The following EXOSC10 variants were observed in gnomAD, a reference collection of about 807,000 sequenced individuals.
EXOSC10 encodes the protein exosome component 10, also known as exosome complex component 10.
In EXOSC10, 94 loss-of-function variants were observed where a neutral mutation model predicts 126.6. The ratio of observed to expected loss-of-function variants is 0.74; its 90% confidence interval spans 0.63 to 0.88. The LOEUF (loss-of-function observed/expected upper bound fraction) is 0.88, where lower values mean the gene tolerates loss of function less well. Among genes scored for constraint, EXOSC10 ranks in the 40% least tolerant of loss-of-function variants. EXOSC10 has a pLI of 0.00. For missense variants in EXOSC10, 1,041 were observed against 1,100.5 expected, an observed-to-expected ratio of 0.95 and a Z score of 0.77; for synonymous variants, 395 against 400.8, an observed-to-expected ratio of 0.99 and a Z score of 0.17.
rs1639214870 is a variant in EXOSC10 at position 11,068,046 on chromosome 1, T to G, written c.2589A>C (p.Gly863=). 6.2e-7 allele frequency: 1 copy of G among 1,614,136 alleles called. No individual in the cohort carries two copies. The highest frequency in any genetic ancestry group is 8.5e-7 in the Non-Finnish European group (1 of 1,180,020). ...IAAKKIKQSV[G]NKSMSFPTGK... ...CAGTTGGAAAGGACATGCTTTTGTT[T>G]CCCACCGACTGTTTAATTTTTTTGG... is the stretch of plus-strand genomic sequence containing the variant. The change falls in exon 24 of 25, where the codon GGA becomes GGC. Residue 863 remains glycine, a synonymous_variant. Coordinates refer to ENST00000376936, the MANE Select transcript of EXOSC10 (RefSeq NM_001001998.3).
At position 11,070,953 on chromosome 1, in the gene EXOSC10, C is replaced by A; in HGVS notation, c.2263G>T (p.Glu755Ter). Residue 755 changes from glutamate (E) to a stop codon, truncating the protein, a stop_gained, in exon 21 of 25, where the codon GAG (glutamate) becomes TAG (stop). Transcript: ENST00000376936. LOFTEE classifies it high-confidence loss of function. ...EQTAAREQAK[E>*]ACKAAAEQAI... ...TGTTCTGCTGCAGCTTTGCACGCCT[C>A]CTTTGCCTGTTCCCGGGCAGCTGCA... 2 of 1,614,140 alleles carry A rather than the reference C, an allele frequency of 1.2e-6. No individual in the cohort carries two copies. The highest frequency in any genetic ancestry group is 8.5e-7 in the Non-Finnish European group (1 of 1,180,002).
intron 3 of EXOSC10, chr1:11,095,274 T>C (rs1206288836): frequency 2.6e-5 from 4 of 151,796 alleles, no homozygotes; most frequent in Admixed American, 6.6e-5. Context: ...ACTGTAATTA[T>C]TTTTTAGAAA....
Position 11,069,819 on chromosome 1 carries a change from C to T in EXOSC10, c.2317-89G>A. 1.1e-5 allele frequency: 15 copies of T among 1,410,978 alleles called. No homozygotes were observed. In the South Asian group the frequency reaches 2.0e-4, roughly 18 times the overall value. 87.4% of individuals were successfully genotyped at this position (1,410,978 alleles called of 1,614,324 possible). On this transcript the variant is annotated intron_variant, in intron 21 of 24. Transcript: ENST00000376936. ...GGCCTCAGCAATAGCTGGGACCCAG[C>T]TGCCTAAGTGGTAAGAAGAACAGTC... is the stretch of plus-strand genomic sequence containing the variant.
At position 11,068,103 on chromosome 1, in the gene EXOSC10, G is replaced by A. The variant is rs373214577; in HGVS notation, c.2551-19C>T. ...TGCATTTCTGAAAAGAAAAGAAACCGTTTAAGCTGGGTGGGCACCTTGACC... is the reference window on the plus strand; with the variant it reads ...TGCATTTCTGAAAAGAAAAGAAACCATTTAAGCTGGGTGGGCACCTTGACC... On this transcript the variant is annotated intron_variant, in intron 23 of 24. Transcript: ENST00000376936. 3.2e-5 allele frequency: 51 copies of A among 1,610,682 alleles called. No individual in the cohort carries two copies. In the African/African-American group the frequency reaches 4.7e-4, roughly 15 times the overall value.
chr1:11,098,914 G>A (rs1641265584), intron 1 of EXOSC10, among the ~76,000 whole-genome samples: 2 of 152,168 alleles, frequency 1.3e-5, no homozygotes, highest in African/African-American at 2.4e-5. Context: ...GAGAAAGGAG[G>A]TGGGAAATTA....
In EXOSC10 at chr1:11,083,511, G is replaced by A. The variant is rs548370751; in HGVS notation, c.1090-633C>T. Among the ~76,000 whole-genome samples the A allele has an allele frequency of 2.1e-3, 282 of 136,194 alleles. 1 individual carries two copies. The highest frequency in any genetic ancestry group is 7.4e-3 in the African/African-American group (263 of 35,338). 89.3% of individuals were successfully genotyped at this position (136,194 alleles called of 152,430 possible). A position where few individuals can be genotyped will look rare whatever the true frequency, so the allele number is the denominator to read the frequency against. ...CGAGAGGCAGAGGTTGCAGTGAGCC[G>A]AGATCGTACCATTGTACTCCAGCCT... On this transcript the variant is annotated intron_variant, in intron 9 of 24. Transcript: ENST00000376936.
At chr1:11,078,142 G>T (rs1029348864) in intron 14 of EXOSC10, among the ~76,000 whole-genome samples, 1 of 152,156 alleles carries the variant, frequency 6.6e-6, no homozygotes, top group African/African-American at 2.4e-5. Flanking sequence ...GGGTATGGTG[G>T]TGTATGCCTG....
In EXOSC10 at chr1:11,074,288, T is replaced by C; in HGVS notation, c.2025A>G (p.Thr675=). ...TGTTCTGGGCTTTTTTCTGTGCAAC[T>C]GTCAATGGACCCTTTTTACTGTCTT... The part of the protein sequence containing the change: ...SAEDSKKGPL[T]VAQKKAQNIM... The change falls in exon 18 of 25, where the codon ACA becomes ACG. Residue 675 remains threonine, a synonymous_variant. Transcript: ENST00000376936. The C allele has an allele frequency of 6.2e-7, 1 of 1,614,186 alleles. No individual in the cohort carries two copies. The highest frequency in any genetic ancestry group is 8.5e-7 in the Non-Finnish European group (1 of 1,180,022).
intron 19 of EXOSC10, 59 bp from the exon 20 acceptor site, chr1:11,072,230 C>T (rs1266337987): frequency 4.5e-6 from 6 of 1,338,834 alleles, no homozygotes; most frequent in Non-Finnish European, 6.3e-6. Flanking sequence ...CTAAGTCTGT[C>T]TTACTTTTCA....
At position 11,080,559 on chromosome 1, in the gene EXOSC10, AAAAAACAC is replaced by A. The variant is rs752338482; in HGVS notation, c.1587-18_1587-11del. 5.3e-5 allele frequency: 80 copies of A among 1,519,174 alleles called. No homozygotes were observed. Among genetic ancestry groups the A allele is most frequent in the African/African-American group, 4.2e-4 (25 of 59,076 alleles). 94.1% of individuals were successfully genotyped at this position (1,519,174 alleles called of 1,614,324 possible). A position where few individuals can be genotyped will look rare whatever the true frequency, so the allele number is the denominator to read the frequency against. ...GTTTGGCAGTACATATCTGGAAAAA[AAAAAACAC>A]ACACACACACACACACACACACACA... is the stretch of plus-strand genomic sequence containing the variant. On this transcript the variant is annotated splice_polypyrimidine_tract_variant and intron_variant, in intron 12 of 24. Coordinates refer to ENST00000376936, the MANE Select transcript of EXOSC10 (RefSeq NM_001001998.3).
At chr1:11,093,603 G>A (rs889929481) in intron 3 of EXOSC10, among the ~76,000 whole-genome samples, 7 of 152,304 alleles carry the variant, frequency 4.6e-5, no homozygotes, top group Middle Eastern at 3.4e-3. Context: ...TGGAAATAAC[G>A]TTCTGCCATA....
At chr1:11,072,438 C>T in intron 19 of EXOSC10, 1 of 364,576 alleles carries the variant, frequency 2.7e-6, no homozygotes, top group Non-Finnish European at 5.1e-6. Context: ...GAAAAAGGTA[C>T]TGTCATCACC....
chr1:11,070,861 T>C (rs1031515412), intron 21 of EXOSC10, 39 bp downstream of exon 21: 4 of 1,573,460 alleles, frequency 2.5e-6, no homozygotes, highest in Admixed American at 1.7e-5. Context: ...AGCAGGGGCA[T>C]CGTTTTTCAA....
At chr1:11,086,004 G>C (rs990562546) in intron 9 of EXOSC10, among the ~76,000 whole-genome samples, 1 of 151,342 alleles carries the variant, frequency 6.6e-6, no homozygotes, top group African/African-American at 2.4e-5. Context: ...TTTTTGATGT[G>C]CTGCTGGATT....
At chr1:11,091,438 A>T (rs961061209) in intron 4 of EXOSC10, 55 bp downstream of exon 4, 1 of 1,467,388 alleles carries the variant, frequency 6.8e-7, no homozygotes, top group African/African-American at 1.4e-5. Context: ...GAATGAGCAA[A>T]ATCTCTGTTA....
rs770427032 is a variant in EXOSC10, at chr1:11,072,150, C to T, written c.2179G>A (p.Ala727Thr). Residue 727 changes from alanine (A) to threonine (T), a missense_variant, in exon 20 of 25, where the codon GCC (alanine) becomes ACC (threonine). Ala to Thr is a moderately conservative substitution (Grantham distance 58). Around this residue, in one of 3 missense-constraint regions of EXOSC10, gnomAD observed 388 missense variants for 415.2 expected, o/e 0.93. Transcript: ENST00000376936. The stretch of plus-strand genomic sequence containing the variant: ...GAGTCTTTTTGTACTTGTACCTGGG[C>T]CAGCTTCCAGCGGTTGCTGATCTAT... ...IYEISNRWKL[A>T]QVQVQKDSKE... 1.2e-6 allele frequency: 2 copies of T among 1,613,114 alleles called. No homozygotes were observed. The highest frequency in any genetic ancestry group is 3.3e-5 in the Admixed American group (2 of 59,764).
intron 10 of EXOSC10, among the ~76,000 whole-genome samples, 197 bp from the exon 11 acceptor site, chr1:11,081,435 G>A (rs1188329018): frequency 6.6e-6 from 1 of 152,174 alleles, no homozygotes; most frequent in Non-Finnish European, 1.5e-5. Context: ...AGAATTGGAG[G>A]CAGGGTAATG....
rs767687056 is a variant in EXOSC10, at chr1:11,077,629, T to C, written c.1772A>G (p.Lys591Arg). ...AGCACTGGGCAGCGGTCCGCTCTTC[T>C]TCACTCCGGCTGCAACTTCAGACTA... ...LLKSEVAAGV[K>R]KSGPLPSAER... The change falls in exon 15 of 25, where the codon AAG becomes AGG. Residue 591 changes from lysine (K) to arginine (R), a missense_variant. By Grantham distance (26) the Lys-to-Arg change is conservative (BLOSUM62 2). This residue lies in a region of EXOSC10 where 388 missense variants were observed against 415.2 expected (regional missense o/e 0.93). Coordinates refer to ENST00000376936, the MANE Select transcript of EXOSC10 (RefSeq NM_001001998.3). 25 of 1,611,412 alleles carry C rather than the reference T, an allele frequency of 1.6e-5. No individual in the cohort carries two copies. The highest frequency in any genetic ancestry group is 2.0e-5 in the Non-Finnish European group (24 of 1,177,958).
At position 11,077,622 on chromosome 1, in the gene EXOSC10, G is replaced by T; in HGVS notation, c.1779C>A (p.Ser593Arg). Residue 593 changes from serine (S) to arginine (R), a missense_variant, in exon 15 of 25, where the codon AGC (serine) becomes AGA (arginine). Ser to Arg is a moderately radical substitution (Grantham distance 110, BLOSUM62 -1). Around this residue, in one of 3 missense-constraint regions of EXOSC10, gnomAD observed 388 missense variants for 415.2 expected, o/e 0.93. Coordinates refer to ENST00000376936, the MANE Select transcript of EXOSC10 (RefSeq NM_001001998.3). ...CTACCTCAGCACTGGGCAGCGGTCC[G>T]CTCTTCTTCACTCCGGCTGCAACTT... ...KSEVAAGVKKSGPLPSAERLE... is the reference protein window; with the variant it reads ...KSEVAAGVKKRGPLPSAERLE... 1.9e-6 allele frequency: 3 copies of T among 1,612,204 alleles called. No individual in the cohort carries two copies. Among genetic ancestry groups the T allele is most frequent in the Non-Finnish European group, 2.5e-6 (3 of 1,178,518 alleles).
Sources: allele counts gnomAD v4.1 joint callset (sites outside exome capture counted in the v4.1 genomes callset), GRCh38; gene constraint gnomAD v4.1.1; regional missense constraint gnomAD v4.1.1; transcripts MANE v1.5; gene names NCBI Gene and HGNC (gene_info 2026-07-23, HGNC 2026-07-21).